SEMA5B: variants seen among roughly 807,000 people sequenced by gnomAD.
SEMA5B encodes the protein semaphorin-5B.
SEMA5B carries 66 observed loss-of-function variants against 135.0 expected under a neutral mutation model. That is an observed-to-expected ratio of 0.49 (90% confidence interval 0.40 to 0.60). The LOEUF (loss-of-function observed/expected upper bound fraction) is 0.60, where lower values mean the gene tolerates loss of function less well. Ranked by LOEUF, SEMA5B falls within the 20% of genes least tolerant of loss-of-function variation. SEMA5B has a pLI of 0.00. For missense variants in SEMA5B, 1,501 were observed against 1,566.3 expected (o/e 0.96, Z 0.70); for synonymous variants, 690 against 639.5 (o/e 1.08, Z -1.19).
chr3:122,990,017 T>G (rs1050081943), intron 1 of SEMA5B, among the ~76,000 whole-genome samples: 1 of 152,182 alleles, frequency 6.6e-6, no homozygotes, highest in Non-Finnish European at 1.5e-5. Context: ...TGTTTAGAGA[T>G]TGTAAACTTA....
At chr3:122,953,874 A>G (rs776947569) in intron 2 of SEMA5B, among the ~76,000 whole-genome samples, 1 of 152,182 alleles carries the variant, frequency 6.6e-6, no homozygotes, top group Non-Finnish European at 1.5e-5. Flanking sequence ...CAGCAGCCTC[A>G]TATGTACCAT....
intron 5 of SEMA5B, among the ~76,000 whole-genome samples, chr3:122,936,387 C>T (rs1365357627): frequency 6.6e-6 from 1 of 152,144 alleles, no homozygotes; most frequent in South Asian, 2.1e-4. Flanking sequence ...TCAAACCACT[C>T]CAGGGCTGCC....
intron 1 of SEMA5B, among the ~76,000 whole-genome samples, chr3:122,967,920 C>T (rs549321331): frequency 2.0e-5 from 3 of 152,216 alleles, no homozygotes; most frequent in African/African-American, 7.2e-5. Context: ...GGGCTCTGCC[C>T]TCTCACTCAC....
At chr3:123,002,230 A>G (rs61451277) in intron 1 of SEMA5B, among the ~76,000 whole-genome samples, 11,243 of 152,246 alleles carry the variant, frequency 0.074, 499 homozygotes, top group East Asian at 0.16. Context: ...GTGGACAGGC[A>G]TCACGGATGG....
rs546871286 is a variant in SEMA5B, at chr3:122,937,148, G to C, written c.474+2277C>G. 1.1e-4 allele frequency among the ~76,000 whole-genome samples: 16 copies of C among 145,652 alleles called. No homozygotes were observed. In the East Asian group the frequency reaches 3.1e-3, roughly 28 times the overall value. On this transcript the variant is annotated intron_variant, in intron 5 of 22. Transcript: ENST00000357599. ...ACAGGGAGAGTAGAGGAAGCTGGGC[G>C]GGGGCACCCTGGCCCAGCCGCCCTT...
At chr3:122,973,160 G>A (rs555989780) in intron 1 of SEMA5B, among the ~76,000 whole-genome samples, 2 of 152,326 alleles carry the variant, frequency 1.3e-5, no homozygotes, top group South Asian at 4.1e-4. Flanking sequence ...TGAGACTGGG[G>A]CAGGAAAGAG....
At chr3:123,022,256 A>G (rs1417224256) in intron 1 of SEMA5B, among the ~76,000 whole-genome samples, 1 of 152,244 alleles carries the variant, frequency 6.6e-6, no homozygotes, top group Non-Finnish European at 1.5e-5. Flanking sequence ...CTGGCAGGAC[A>G]GATGGTCACT....
intron 1 of SEMA5B, among the ~76,000 whole-genome samples, chr3:123,005,419 T>A (rs1942285481): frequency 6.6e-6 from 1 of 152,146 alleles, no homozygotes; most frequent in Non-Finnish European, 1.5e-5. Flanking sequence ...TGGAGTGCAG[T>A]GGTGCGATCA....
At chr3:122,969,657 G>A (rs944767174) in intron 1 of SEMA5B, among the ~76,000 whole-genome samples, 32 of 152,208 alleles carry the variant, frequency 2.1e-4, no homozygotes, top group Non-Finnish European at 7.3e-5. Flanking sequence ...GCACCCACCT[G>A]CATTGATATT....
rs1050956248 is a variant in SEMA5B, at chr3:122,927,866, C to T, written c.774G>A (p.Arg258=). The T allele has an allele frequency of 3.2e-5, 51 of 1,593,360 alleles. No homozygotes were observed. The highest frequency in any genetic ancestry group is 4.3e-5 in the Non-Finnish European group (50 of 1,169,268). The change falls in exon 8 of 23, where the codon CGG becomes CGA. Residue 258 remains arginine, a synonymous_variant. Coordinates refer to ENST00000357599, the MANE Select transcript of SEMA5B (RefSeq NM_001031702.4). ...CCAGGCTGCGGTAGATGGCAGGGTC[C>T]CGACCTGAGAAGTCGATGACCGTGG... ...YAATVIDFSG[R]DPAIYRSLGS...
intron 1 of SEMA5B, among the ~76,000 whole-genome samples, chr3:123,000,116 G>A (rs1942133395): frequency 6.6e-6 from 1 of 152,230 alleles, no homozygotes; most frequent in Non-Finnish European, 1.5e-5. Flanking sequence ...GTTGAGGCAG[G>A]AGACTCGCTT....
At chr3:122,976,198 G>A in intron 1 of SEMA5B, 1 of 1,503,110 alleles carries the variant, frequency 6.7e-7, no homozygotes, top group Non-Finnish European at 8.9e-7. Context: ...CTCAAAATGT[G>A]CTCCTAGGAC....
intron 20 of SEMA5B, 98 bp downstream of exon 20, chr3:122,911,822 C>T: frequency 7.2e-7 from 1 of 1,391,708 alleles, no homozygotes; most frequent in Middle Eastern, 2.1e-4. Context: ...CATCCTGTGC[C>T]CCCTGCTCCC....
At chr3:122,978,747 C>T (rs1941421182) in intron 1 of SEMA5B, among the ~76,000 whole-genome samples, 1 of 152,118 alleles carries the variant, frequency 6.6e-6, no homozygotes, top group East Asian at 1.9e-4. Flanking sequence ...TCCTCAGGGC[C>T]TTGCGTGATG....
Position 122,913,568 on chromosome 3 carries a change from C to G in SEMA5B, c.2246G>C (p.Cys749Ser). The G allele has an allele frequency of 6.2e-7, 1 of 1,612,924 alleles. No homozygotes were observed. The highest frequency in any genetic ancestry group is 8.5e-7 in the Non-Finnish European group (1 of 1,179,850). The change falls in exon 16 of 23, where the codon TGC becomes TCC. Residue 749 changes from cysteine (C) to serine (S), a missense_variant. This residue lies in a region of SEMA5B where 927 missense variants were observed against 881.6 expected (regional missense o/e 1.05). Coordinates refer to ENST00000357599, the MANE Select transcript of SEMA5B (RefSeq NM_001031702.4). ...GCCCAGGCAGGAGTTGCCGTTCTCG[C>G]AGGCCCGACGCCGCGACTGCATGCC... ...GGGMQSRRRA[C>S]ENGNSCLGCG...
chr3:122,964,182 T>A (rs532963445), intron 1 of SEMA5B, among the ~76,000 whole-genome samples: 2 of 152,330 alleles, frequency 1.3e-5, no homozygotes, highest in African/African-American at 4.8e-5. Context: ...TCCCCAAATA[T>A]CCTGACTCAC....
chr3:122,997,064 C>T (rs1216426027), intron 1 of SEMA5B, among the ~76,000 whole-genome samples: 4 of 147,468 alleles, frequency 2.7e-5, no homozygotes, highest in Non-Finnish European at 5.9e-5. Context: ...CCTTCCCTAC[C>T]TCCTTTCTTG....
Position 122,915,808 on chromosome 3 carries a change from T to C in SEMA5B, c.1771A>G (p.Met591Val), listed in dbSNP as rs776150309. 2 of 1,614,106 alleles carry C rather than the reference T, an allele frequency of 1.2e-6. No homozygotes were observed. The highest frequency in any genetic ancestry group is 1.1e-5 in the South Asian group (1 of 91,078). ...GTGATGTTCTGGGTCCAGAGGCTCA[T>C]GTTGGAGCTGTCCTCGAGTGTGCTG... Reference protein sequence around the residue: ...RCSTLEDSSNMSLWTQNITAC... With the variant: ...RCSTLEDSSNVSLWTQNITAC... The change falls in exon 13 of 23, where the codon ATG becomes GTG. Residue 591 changes from methionine (M) to valine (V), a missense_variant. Transcript: ENST00000357599.
At chr3:122,961,640 T>C (rs1940589443) in intron 1 of SEMA5B, among the ~76,000 whole-genome samples, 1 of 152,078 alleles carries the variant, frequency 6.6e-6, no homozygotes, top group Non-Finnish European at 1.5e-5. Context: ...TAAAACTTTT[T>C]GTAGATGTGA....
Sources: allele counts gnomAD v4.1 joint callset (sites outside exome capture counted in the v4.1 genomes callset), GRCh38; gene constraint gnomAD v4.1.1; regional missense constraint gnomAD v4.1.1; transcripts MANE v1.5; gene names NCBI Gene and HGNC (gene_info 2026-07-23, HGNC 2026-07-21).